PRKX: variants seen among roughly 807,000 people sequenced by gnomAD.
The protein encoded by PRKX is protein kinase cAMP-dependent X-linked catalytic subunit, also known as cAMP-dependent protein kinase catalytic subunit PRKX.
Under a neutral mutation model 22.0 loss-of-function variants are expected in PRKX, and 12 were observed. That is an observed-to-expected ratio of 0.54 (90% CI 0.35 to 0.88). PRKX has a LOEUF of 0.88. Ranked by LOEUF, PRKX falls within the 40% of genes least tolerant of loss-of-function variation. The pLI is 0.01. For missense variants in PRKX, 217 were observed against 308.0 expected (o/e 0.70, Z 2.21); for synonymous variants, 134 against 137.7 (o/e 0.97, Z 0.19).
At chrX:3,634,360 G>A (rs1926845152) in intron 4 of PRKX, among the ~76,000 whole-genome samples, 1 of 110,905 alleles carries the variant, frequency 9.0e-6, no homozygotes, top group South Asian at 3.9e-4. Flanking sequence ...GCCAGTTAAA[G>A]CGGAAGGAGC....
chrX:3,627,729 G>C (rs1165082465), intron 4 of PRKX, among the ~76,000 whole-genome samples: 1 of 110,919 alleles, frequency 9.0e-6, no homozygotes, highest in Non-Finnish European at 1.9e-5. Context: ...CTCTCAAAGT[G>C]CTAGGATTAC....
At chrX:3,668,842 G>A (rs1482791290) in intron 2 of PRKX, among the ~76,000 whole-genome samples, 10 of 112,554 alleles carry the variant, frequency 8.9e-5, no homozygotes, top group Non-Finnish European at 1.1e-4. Context: ...GGGAGAAAGG[G>A]ACTCCACACG....
At chrX:3,633,271 C>A (rs868144277) in intron 4 of PRKX, among the ~76,000 whole-genome samples, 5,302 of 97,861 alleles carry the variant, frequency 0.054, 198 homozygotes, top group Non-Finnish European at 0.085. Flanking sequence ...AAAAAAAAAA[C>A]AAAAAAAACG....
At chrX:3,634,225 G>C (rs1272124971) in intron 4 of PRKX, among the ~76,000 whole-genome samples, 1 of 108,159 alleles carries the variant, frequency 9.2e-6, no homozygotes, top group East Asian at 2.9e-4. Flanking sequence ...ACTCCAGCCT[G>C]GGTGACAGAG....
chrX:3,631,361 A>C (rs1223679423), intron 4 of PRKX, among the ~76,000 whole-genome samples: 1 of 112,769 alleles, frequency 8.9e-6, no homozygotes, highest in Non-Finnish European at 1.9e-5. Flanking sequence ...TAAGAGACTC[A>C]AGAGGAGGCA....
intron 3 of PRKX, among the ~76,000 whole-genome samples, chrX:3,654,535 T>G: frequency 9.9e-6 from 1 of 101,303 alleles, no homozygotes; most frequent in African/African-American, 3.7e-5. Context: ...AGTGCAGTGG[T>G]ATAATCACAG....
rs763559810 is a variant in PRKX at position 3,622,267 on chromosome X, T to C, written c.816-951A>G. 4.7e-4 allele frequency among the ~76,000 whole-genome samples: 52 copies of C among 111,425 alleles called. No homozygotes were observed. The Admixed American group carries it at 4.8e-3, about 10-fold the overall frequency. ...GATTAGGTGAGTTCTAAAAGATGCA[T>C]ATTTATGGAAGTAGAAATGATCATG... On this transcript the variant is annotated intron_variant, in intron 5 of 8. Coordinates refer to ENST00000262848, the MANE Select transcript of PRKX (RefSeq NM_005044.5).
rs140020866 is a variant in PRKX at position 3,660,823 on chromosome X, T to C, written c.336-5411A>G. Among the ~76,000 whole-genome samples, 545 of 110,349 alleles carry C rather than the reference T, an allele frequency of 4.9e-3. 5 individuals carry two copies. The highest frequency in any genetic ancestry group is 0.017 in the African/African-American group (523 of 30,323). ...GCAGGGGAAGTTGCAATTTCAACCA[T>C]GGGTAGGATGATCTGTAGAGGAAGA... is the stretch of plus-strand genomic sequence containing the variant. On this transcript the variant is annotated intron_variant, in intron 2 of 8. Coordinates refer to ENST00000262848, the MANE Select transcript of PRKX (RefSeq NM_005044.5).
chrX:3,707,732 C>G (rs1245397738), intron 1 of PRKX, among the ~76,000 whole-genome samples: 1 of 111,742 alleles, frequency 8.9e-6, no homozygotes, highest in Non-Finnish European at 1.9e-5. Context: ...TGGAAATGTT[C>G]TCTGATGTGT....
At chrX:3,674,978 A>C (rs769779830) in intron 1 of PRKX, among the ~76,000 whole-genome samples, 1 of 111,516 alleles carries the variant, frequency 9.0e-6, no homozygotes, top group Admixed American at 9.6e-5. Context: ...GAAATTGCAG[A>C]GAGAGAAAGA....
intron 5 of PRKX, among the ~76,000 whole-genome samples, chrX:3,621,672 T>C (rs1926560682): frequency 8.9e-6 from 1 of 111,916 alleles, no homozygotes; most frequent in South Asian, 3.7e-4. Context: ...ATAGAAGACA[T>C]CTGCTTTCAC....
At chrX:3,670,116 A>G (rs956350127) in intron 2 of PRKX, 27 of 123,832 alleles carry the variant, frequency 2.2e-4, no homozygotes, top group African/African-American at 8.4e-4. Flanking sequence ...TTATACCTTC[A>G]TCAAGAAGTC....
At chrX:3,613,428 C>T (rs929012847) in intron 7 of PRKX, among the ~76,000 whole-genome samples, 7 of 109,419 alleles carry the variant, frequency 6.4e-5, no homozygotes, top group African/African-American at 9.9e-5. Flanking sequence ...GGAGACTTGG[C>T]AATATATCTG....
chrX:3,636,523 A>C (rs1436214001), intron 4 of PRKX, among the ~76,000 whole-genome samples: 1 of 112,912 alleles, frequency 8.9e-6, no homozygotes, highest in Non-Finnish European at 1.9e-5. Flanking sequence ...GGGCTGTGGG[A>C]GCAGGTGACA....
At chrX:3,631,893 G>A (rs1261216319) in intron 4 of PRKX, among the ~76,000 whole-genome samples, 14 of 112,754 alleles carry the variant, frequency 1.2e-4, no homozygotes, top group Admixed American at 3.8e-4. Context: ...AGAGGATAAA[G>A]TTCTCTTGTT....
At chrX:3,689,901 C>T (rs904565513) in intron 1 of PRKX, among the ~76,000 whole-genome samples, 9 of 110,802 alleles carry the variant, frequency 8.1e-5, no homozygotes, top group African/African-American at 2.3e-4. Flanking sequence ...GGCGTGAACC[C>T]GGGAGGCAGA....
Position 3,621,157 on chromosome X carries a change from G to A in PRKX, c.873+102C>T. ...TGAAATTTGGGCAGTGATTAAATAC[G>A]ACCGCTAAGCCTTGGTTTATACCTG... On this transcript the variant is annotated intron_variant, in intron 6 of 8. Coordinates refer to ENST00000262848, the MANE Select transcript of PRKX (RefSeq NM_005044.5). 1.1e-5 allele frequency: 7 copies of A among 659,559 alleles called. No individual in the cohort carries two copies. In the South Asian group the frequency reaches 1.7e-4, roughly 16 times the overall value. 54.4% of individuals were successfully genotyped at this position (659,559 alleles called of 1,213,427 possible). A position where few individuals can be genotyped will look rare whatever the true frequency, so the allele number is the denominator to read the frequency against.
chrX:3,631,698 G>A (rs1926785010), intron 4 of PRKX, among the ~76,000 whole-genome samples: 1 of 111,193 alleles, frequency 9.0e-6, no homozygotes, highest in Non-Finnish European at 1.9e-5. Context: ...CCTTCTAAGA[G>A]ACTGAAGAGG....
chrX:3,709,408 C>A, intron 1 of PRKX, among the ~76,000 whole-genome samples: 1 of 111,202 alleles, frequency 9.0e-6, no homozygotes, highest in Non-Finnish European at 1.9e-5. Flanking sequence ...ACTTTGGAGT[C>A]TTCCTCATCG....
Sources: gnomAD v4.1 joint callset for allele counts (sites outside exome capture counted in the v4.1 genomes callset) on GRCh38, gnomAD v4.1.1 for gene constraint, MANE v1.5 for transcripts, NCBI Gene and HGNC (gene_info 2026-07-23, HGNC 2026-07-21) for gene names.